The following RASA3 variants were observed in gnomAD, a reference collection of about 807,000 sequenced individuals.
The protein encoded by RASA3 is RAS p21 protein activator 3.
Under a neutral mutation model 110.0 loss-of-function variants are expected in RASA3, and 73 were observed. The ratio of observed to expected loss-of-function variants is 0.66; its 90% CI spans 0.55 to 0.81. The LOEUF (loss-of-function observed/expected upper bound fraction) is 0.81. RASA3 is among the 30% of genes least tolerant of loss of function. RASA3 has a pLI of 0.00. For missense variants in RASA3, 976 were observed against 1,113.2 expected, an observed-to-expected ratio of 0.88 and a Z score of 1.75; for synonymous variants, 500 against 451.4, an observed-to-expected ratio of 1.11 and a Z score of -1.37.
chr13:114,049,025 C>T (rs2079101191), intron 3 of RASA3, among the ~76,000 whole-genome samples: 1 of 151,590 alleles, frequency 6.6e-6, no homozygotes, highest in Non-Finnish European at 1.5e-5. Flanking sequence ...CCCCAACCCA[C>T]ACCCCCGACC....
chr13:113,980,180 T>TCCTCCCACGTGTGTGCACCA (rs1471300708), intron 23 of RASA3, among the ~76,000 whole-genome samples: 1 of 139,940 alleles, frequency 7.1e-6, no homozygotes, highest in Non-Finnish European at 1.5e-5. Context: ...TGTGTGCACC[T>TCCTCCCACGTGTGTGCACCA]CCTCCCACGT....
chr13:114,096,859 C>G lies in RASA3; in HGVS notation c.56-23022G>C, dbSNP rs990577393. ...ATCTCGCTGCTCCCTCGGACGTACT[C>G]GCCCTACACCCCAGCCAAACGCACT... On this transcript the variant is annotated intron_variant, in intron 1 of 23. Coordinates refer to ENST00000334062, the MANE Select transcript of RASA3 (RefSeq NM_007368.4). The surrounding 1 kb of genome is among the most constrained non-coding windows in gnomAD (Gnocchi z 5.1). 2.6e-5 allele frequency among the ~76,000 whole-genome samples: 4 copies of G among 152,130 alleles called. No individual in the cohort carries two copies. The highest frequency in any genetic ancestry group is 9.7e-5 in the African/African-American group (4 of 41,396).
At chr13:114,055,806 GCCCAGGCTGT>G (rs143966598) in intron 2 of RASA3, among the ~76,000 whole-genome samples, 8,388 of 152,186 alleles carry the variant, frequency 0.055, 337 homozygotes, top group East Asian at 0.2. Flanking sequence ...AGTGGCAGGT[GCCCAGGCTGT>G]CCTGGCTGCG....
rs866254930 is a variant in RASA3 at position 114,125,233 on chromosome 13, C to T, written c.55+7202G>A. Among the ~76,000 whole-genome samples, 3 of 152,106 alleles carry T rather than the reference C, an allele frequency of 2.0e-5. No individual in the cohort carries two copies. The South Asian group carries it at 6.2e-4, about 32-fold the overall frequency. On this transcript the variant is annotated intron_variant, in intron 1 of 23. Coordinates refer to ENST00000334062, the MANE Select transcript of RASA3 (RefSeq NM_007368.4). ...ATGACATAATCACCGTTTCAGTTGG[C>T]GATTACTCATTGGGCTGTTCTTGCA...
intron 1 of RASA3, among the ~76,000 whole-genome samples, chr13:114,083,597 G>A (rs537952135): frequency 4.7e-5 from 6 of 128,046 alleles, no homozygotes; most frequent in South Asian, 3.2e-4. Flanking sequence ...CTTCGTCCTC[G>A]CGGGGAAATC....
rs541378570 is a variant in RASA3, at chr13:114,034,324, G to C, written c.373-4437C>G. 1.2e-3 allele frequency among the ~76,000 whole-genome samples: 180 copies of C among 152,398 alleles called. 1 individual carries two copies. Among genetic ancestry groups the C allele is most frequent in the African/African-American group, 4.2e-3 (175 of 41,602 alleles). On this transcript the variant is annotated intron_variant, in intron 4 of 23. Transcript: ENST00000334062. ...GCGTTCAGATTTGCAAGGCTGTGCAGACGGAGGTAGCTCTATTCACATTCG... is the reference window on the plus strand; with the variant it reads ...GCGTTCAGATTTGCAAGGCTGTGCACACGGAGGTAGCTCTATTCACATTCG...
intron 18 of RASA3, among the ~76,000 whole-genome samples, chr13:114,004,994 T>C (rs904981835): frequency 2.0e-5 from 3 of 152,192 alleles, no homozygotes; most frequent in Non-Finnish European, 2.9e-5. Flanking sequence ...TAGAGGTTGT[T>C]ATCTTAAGGG....
intron 3 of RASA3, among the ~76,000 whole-genome samples, chr13:114,043,874 CCGCCTCACTCGCTGAG>C (rs1566520539): frequency 9.7e-5 from 5 of 51,746 alleles, no homozygotes; most frequent in South Asian, 8.7e-4. Flanking sequence ...CCCCCCCGCC[CCGCCTCACTCGCTGAG>C]CCCCCCCGCC....
At chr13:114,103,516 A>G (rs113856608) in intron 1 of RASA3, among the ~76,000 whole-genome samples, 2,331 of 139,134 alleles carry the variant, frequency 0.017, 63 homozygotes, top group African/African-American at 0.058. Flanking sequence ...GCTCAGCACC[A>G]CCACCCCCGA....
rs758255038 is a variant in RASA3, at chr13:114,013,151, C to T, written c.1503G>A (p.Pro501=). Residue 501 remains proline (P), a synonymous_variant, in exon 15 of 24, where the codon CCG becomes CCA. Coordinates refer to ENST00000334062, the MANE Select transcript of RASA3 (RefSeq NM_007368.4). The part of the protein sequence containing the change: ...ILSPNLFQLT[P]HHTDPQTSRT... ...TCAGCCGGTCACTCACCGTGTGGTG[C>T]GGCGTGAGCTGGAAGAGGTTGGGGG... 23 of 1,612,078 alleles carry T rather than the reference C, an allele frequency of 1.4e-5. No individual in the cohort carries two copies. Among genetic ancestry groups the T allele is most frequent in the Middle Eastern group, 1.6e-4 (1 of 6,066 alleles).
At position 114,052,159 on chromosome 13, in the gene RASA3, G is replaced by A. The variant is rs2079156090; in HGVS notation, c.174-4C>T. On this transcript the variant is annotated splice_region_variant and splice_polypyrimidine_tract_variant and intron_variant, in intron 2 of 23. Coordinates refer to ENST00000334062, the MANE Select transcript of RASA3 (RefSeq NM_007368.4). ...AAAGTCTTCTCCGTAAAACGGGCTA[G>A]TGAGACAAAGAAAAGCGCCAGTTAG... 1 of 1,603,984 alleles carries A rather than the reference G, an allele frequency of 6.2e-7. No individual in the cohort carries two copies. The highest frequency in any genetic ancestry group is 1.1e-5 in the South Asian group (1 of 90,758).
chr13:114,055,960 C>T (rs1366201407), intron 2 of RASA3, among the ~76,000 whole-genome samples: 1 of 152,266 alleles, frequency 6.6e-6, no homozygotes, highest in Non-Finnish European at 1.5e-5. Context: ...GATAGCCAAG[C>T]TGCCAGAGAA....
At chr13:114,013,500 T>C (rs996298176) in intron 14 of RASA3, among the ~76,000 whole-genome samples, 1 of 145,662 alleles carries the variant, frequency 6.9e-6, no homozygotes, top group Admixed American at 6.7e-5. Context: ...TCTCTCTCTC[T>C]CTCCCTCTAT....
At chr13:114,088,554 A>ATTTTC (rs1555341294) in intron 1 of RASA3, among the ~76,000 whole-genome samples, 319 of 20,048 alleles carry the variant, frequency 0.016, 3 homozygotes, top group South Asian at 0.068. Flanking sequence ...TCCCAAATTA[A>ATTTTC]TTTTTTTTTT....
intron 13 of RASA3, among the ~76,000 whole-genome samples, 187 bp from the exon 14 acceptor site, chr13:114,015,519 G>A (rs567158673): frequency 2.0e-5 from 3 of 152,356 alleles, no homozygotes; most frequent in African/African-American, 4.8e-5. Flanking sequence ...CAATTCACGC[G>A]TGAAAATCAC....
intron 10 of RASA3, 68 bp from the exon 11 acceptor site, chr13:114,018,320 T>A: frequency 6.7e-7 from 1 of 1,484,134 alleles, no homozygotes; most frequent in Non-Finnish European, 9.0e-7. Context: ...GTCCCCACCT[T>A]GGCTGGGGTC....
chr13:114,053,699 G>A (rs2079191717), intron 2 of RASA3, among the ~76,000 whole-genome samples: 1 of 152,130 alleles, frequency 6.6e-6, no homozygotes. Flanking sequence ...GAATGAACCT[G>A]CACCCTAAAG....
intron 1 of RASA3, among the ~76,000 whole-genome samples, chr13:114,124,656 G>T (rs1255902716): frequency 6.6e-6 from 1 of 152,208 alleles, no homozygotes; most frequent in African/African-American, 2.4e-5. Flanking sequence ...ACCTGTCAGG[G>T]GCCTCTCAGG....
chr13:114,095,283 T>C (rs2079928525), intron 1 of RASA3, among the ~76,000 whole-genome samples: 1 of 152,204 alleles, frequency 6.6e-6, no homozygotes, highest in African/African-American at 2.4e-5. Context: ...ATTCACCCTT[T>C]AAGTGTAAAC....
Sources: gnomAD v4.1 joint callset for allele counts (sites outside exome capture counted in the v4.1 genomes callset) on GRCh38, gnomAD v4.1.1 for gene constraint, Gnocchi (gnomAD v3.1) non-coding constraint, MANE v1.5 for transcripts, NCBI Gene and HGNC (gene_info 2026-07-23, HGNC 2026-07-21) for gene names.